AMPH: variants seen among roughly 807,000 people sequenced by gnomAD.
AMPH encodes amphiphysin (Stiff-Mann syndrome with breast cancer 128kD autoantigen).
Under a neutral mutation model 99.1 loss-of-function variants are expected in AMPH, and 49 were observed. That is an observed-to-expected ratio of 0.49 (90% confidence interval 0.39 to 0.63). AMPH has a LOEUF of 0.63. AMPH is among the 20% of genes least tolerant of loss of function. AMPH has a pLI of 0.00. For missense variants in AMPH, 759 were observed against 863.4 expected (o/e 0.88, Z 1.52); for synonymous variants, 314 against 317.3 (o/e 0.99, Z 0.11).
At chr7:38,606,400 C>T (rs1430899957) in intron 1 of AMPH, among the ~76,000 whole-genome samples, 1 of 152,084 alleles carries the variant, frequency 6.6e-6, no homozygotes, top group Admixed American at 6.6e-5. Context: ...TCCACATTTC[C>T]TGGCAAACAC....
chr7:38,437,176 T>C (rs1490151457), intron 11 of AMPH, among the ~76,000 whole-genome samples: 1 of 152,198 alleles, frequency 6.6e-6, no homozygotes, highest in Non-Finnish European at 1.5e-5. Context: ...GGTATCATAA[T>C]ACATGAAAAC....
chr7:38,413,833 T>G (rs966289002), intron 17 of AMPH, among the ~76,000 whole-genome samples: 3 of 152,230 alleles, frequency 2.0e-5, no homozygotes, highest in African/African-American at 7.2e-5. Context: ...CTTCAATGTC[T>G]TCTTCTGACA....
chr7:38,529,584 T>G (rs1165837230), intron 2 of AMPH, among the ~76,000 whole-genome samples: 1 of 152,222 alleles, frequency 6.6e-6, no homozygotes, highest in Non-Finnish European at 1.5e-5. Flanking sequence ...CAGCTTAGGT[T>G]CTTATTCAGA....
At chr7:38,388,667 T>C (rs1051096810) in intron 20 of AMPH, among the ~76,000 whole-genome samples, 1 of 147,538 alleles carries the variant, frequency 6.8e-6, no homozygotes, top group African/African-American at 2.5e-5. Flanking sequence ...TGAGACGGGG[T>C]CTTGCTCTGT....
At chr7:38,528,983 G>A (rs1391810988) in intron 2 of AMPH, among the ~76,000 whole-genome samples, 1 of 152,082 alleles carries the variant, frequency 6.6e-6, no homozygotes, top group Non-Finnish European at 1.5e-5. Flanking sequence ...CCTAAGTCCA[G>A]AGTTCTAATG....
At chr7:38,455,081 C>CTTTTT (rs558916967) in intron 11 of AMPH, among the ~76,000 whole-genome samples, 1 of 146,132 alleles carries the variant, frequency 6.8e-6, no homozygotes, top group Non-Finnish European at 1.5e-5. Flanking sequence ...TATTAAAATT[C>CTTTTT]TTTTTTTTTT....
chr7:38,403,385 G>A (rs2128980833), intron 17 of AMPH, among the ~76,000 whole-genome samples: 1 of 152,324 alleles, frequency 6.6e-6, no homozygotes, highest in East Asian at 1.9e-4. Flanking sequence ...AATGCTGTTG[G>A]TGGCAATCTG....
chr7:38,558,631 G>A (rs1359188445), intron 1 of AMPH, among the ~76,000 whole-genome samples: 2 of 152,166 alleles, frequency 1.3e-5, no homozygotes, highest in Non-Finnish European at 2.9e-5. Context: ...AAGACATAAA[G>A]CATTTCCTTT....
intron 1 of AMPH, among the ~76,000 whole-genome samples, chr7:38,546,073 C>T (rs1422007507): frequency 3.9e-5 from 6 of 152,082 alleles, no homozygotes; most frequent in African/African-American, 1.4e-4. Flanking sequence ...TCCACGTGGT[C>T]GTTTTCTAAA....
chr7:38,613,628 A>C (rs907354283), intron 1 of AMPH, among the ~76,000 whole-genome samples: 8 of 152,224 alleles, frequency 5.3e-5, no homozygotes, highest in African/African-American at 1.9e-4. Flanking sequence ...CCACTTCCAC[A>C]GTATGCAGCC....
chr7:38,392,072 C>A, intron 18 of AMPH, 55 bp from the exon 19 acceptor site: 1 of 1,573,274 alleles, frequency 6.4e-7, no homozygotes. Flanking sequence ...ACAGAACCTC[C>A]TTGTCCTGCA....
At chr7:38,574,840 G>A (rs1273510973) in intron 1 of AMPH, among the ~76,000 whole-genome samples, 1 of 151,984 alleles carries the variant, frequency 6.6e-6, no homozygotes, top group African/African-American at 2.4e-5. Flanking sequence ...CAGATCACGA[G>A]GTGAAGAGAT....
intron 1 of AMPH, among the ~76,000 whole-genome samples, chr7:38,625,215 GA>G (rs1353742154): frequency 6.6e-6 from 1 of 152,096 alleles, no homozygotes; most frequent in African/African-American, 2.4e-5. Context: ...CAGGTCTACA[GA>G]AAAATCAGCC....
intron 1 of AMPH, among the ~76,000 whole-genome samples, chr7:38,610,291 AGAAAG>A (rs1793599019): frequency 1.6e-4 from 4 of 24,740 alleles, no homozygotes; most frequent in African/African-American, 7.9e-4. Context: ...AAAGAAAGAA[AGAAAG>A]AAAAGAAAAG....
Position 38,391,835 on chromosome 7 carries a change from C to T in AMPH, c.1791G>A (p.Thr597=), listed in dbSNP as rs1058656. The T allele has an allele frequency of 0.22, 348,483 of 1,613,156 alleles. 38,934 individuals are homozygous for T. Among genetic ancestry groups the T allele is most frequent in the Admixed American group, 0.25 (15,250 of 59,926 alleles). ...CAGCCCCCATGGCTGGTGCAGAAGGCGTGGGCTGAGGGTCCTGGATAGGCT... is the reference window on the plus strand; with the variant it reads ...CAGCCCCCATGGCTGGTGCAGAAGGTGTGGGCTGAGGGTCCTGGATAGGCT... ...EQKPIQDPQP[T]PSAPAMGAAD... Residue 597 remains threonine, a synonymous_variant, in exon 19 of 21, where the codon ACG becomes ACA. Transcript: ENST00000356264.
intron 2 of AMPH, among the ~76,000 whole-genome samples, chr7:38,525,445 CGTGTGTGTGTGTGTGTGTGT>C (rs146505083): frequency 1.6e-5 from 2 of 125,492 alleles, no homozygotes; most frequent in South Asian, 2.6e-4. Context: ...CTCATTTGTG[CGTGTGTGTGTGTGTGTGTGT>C]GTGTGTGTGT....
chr7:38,598,099 A>C (rs576355642), intron 1 of AMPH, among the ~76,000 whole-genome samples: 1 of 152,226 alleles, frequency 6.6e-6, no homozygotes, highest in East Asian at 1.9e-4. Flanking sequence ...CATACCTTTG[A>C]CTTTATGTTT....
intron 12 of AMPH, among the ~76,000 whole-genome samples, chr7:38,435,261 C>A (rs56156710): frequency 0.026 from 3,882 of 152,174 alleles, 75 homozygotes; most frequent in Admixed American, 0.053. Context: ...CTTTAGAAGC[C>A]CAATCACATT....
intron 12 of AMPH, among the ~76,000 whole-genome samples, chr7:38,433,723 T>TGAAAAAA (rs1786137231): frequency 1.6e-4 from 1 of 6,330 alleles, no homozygotes; most frequent in Non-Finnish European, 2.7e-4. Flanking sequence ...AGACTCCGTC[T>TGAAAAAA]CAAAAAAAAA....
Sources: gnomAD v4.1 joint callset for allele counts (sites outside exome capture counted in the v4.1 genomes callset) on GRCh38, gnomAD v4.1.1 for gene constraint, MANE v1.5 for transcripts, NCBI Gene and HGNC (gene_info 2026-07-23, HGNC 2026-07-21) for gene names.